Variants in ALDH3B1 observed in about 807,000 individuals in gnomAD.
ALDH3B1 encodes aldehyde dehydrogenase 3 family member B1, also known as aldehyde dehydrogenase family 3 member B1.
A neutral mutation model predicts 46.2 loss-of-function variants in ALDH3B1; 37 were observed. The observed-to-expected ratio is 0.80, with a 90% confidence interval of 0.62 to 1.05. The LOEUF is 1.05. Among genes scored for constraint, ALDH3B1 ranks in the 50% least tolerant of loss-of-function variants. ALDH3B1 has a pLI of 0.00. For synonymous variants in ALDH3B1, 283 were observed against 281.0 expected, an observed-to-expected ratio of 1.01 and a Z score of -0.07; for missense variants, 603 against 665.5, an observed-to-expected ratio of 0.91 and a Z score of 1.03.
intron 1 of ALDH3B1, chr11:68,014,848 C>T (rs537690120): frequency 4.5e-4 from 72 of 159,178 alleles, no homozygotes; most frequent in African/African-American, 1.7e-3. Flanking sequence ...CTCCTGCTTA[C>T]ACCATTCAGA....
chr11:68,026,259 A>G (rs1010917826), intron 9 of ALDH3B1, among the ~76,000 whole-genome samples, 151 bp downstream of exon 9: 2 of 151,898 alleles, frequency 1.3e-5, no homozygotes, highest in African/African-American at 4.8e-5. Context: ...CCTGCTCCCC[A>G]CCCCAGAGGG....
intron 2 of ALDH3B1, chr11:68,016,741 C>T (rs1857358962): frequency 6.6e-6 from 1 of 152,384 alleles, no homozygotes; most frequent in African/African-American, 2.4e-5. Context: ...GTGTTCAGAC[C>T]TTCCCCCAGC....
At chr11:68,020,199 C>A (rs1235914694) in intron 6 of ALDH3B1, among the ~76,000 whole-genome samples, 1 of 152,152 alleles carries the variant, frequency 6.6e-6, no homozygotes, top group Non-Finnish European at 1.5e-5. Context: ...TGCACACAAG[C>A]CCTTGGAGAA....
At chr11:68,008,863 CCCTGTCCCCTG>C (rs1311375796), upstream of ALDH3B1, among the ~76,000 whole-genome samples, 4 of 152,320 alleles carry the variant, frequency 2.6e-5, no homozygotes, top group East Asian at 7.7e-4. Flanking sequence ...ACACCTGTCA[CCCTGTCCCCTG>C]CCTGTCCACA....
intron 1 of ALDH3B1, among the ~76,000 whole-genome samples, chr11:68,014,009 G>A (rs181794267): frequency 9.3e-4 from 141 of 152,320 alleles, no homozygotes; most frequent in Non-Finnish European, 1.8e-3. Context: ...AGCAGGTCCC[G>A]CCCTCAAGGT....
chr11:68,013,424 G>C (rs1031048202), intron 1 of ALDH3B1, among the ~76,000 whole-genome samples: 1 of 152,226 alleles, frequency 6.6e-6, no homozygotes, highest in African/African-American at 2.4e-5. Flanking sequence ...TTCTTACAAA[G>C]GGTGAGAGAG....
chr11:68,009,946 T>C (rs1857195850), upstream of ALDH3B1, among the ~76,000 whole-genome samples: 1 of 152,038 alleles, frequency 6.6e-6, no homozygotes, highest in South Asian at 2.1e-4. Context: ...GCCATAACAT[T>C]CCACATAATA....
At chr11:68,022,295 G>A (rs183835617) in intron 7 of ALDH3B1, among the ~76,000 whole-genome samples, 43 of 152,320 alleles carry the variant, frequency 2.8e-4, no homozygotes, top group East Asian at 9.7e-4. Flanking sequence ...ATTCTGGGAC[G>A]CTGTTGCCTC....
rs368403076 is a variant in ALDH3B1 at position 68,019,810 on chromosome 11, G to T, written c.562+14G>T. On this transcript the variant is annotated intron_variant, in intron 6 of 9. Transcript: ENST00000342456. ...TCTTCTTCACAGGTGAGGCCGGGACGAGGGTCGGGACAGGCTGGGGTCGGG... is the reference window on the plus strand; with the variant it reads ...TCTTCTTCACAGGTGAGGCCGGGACTAGGGTCGGGACAGGCTGGGGTCGGG... 3 of 1,613,492 alleles carry T rather than the reference G, an allele frequency of 1.9e-6. No homozygotes were observed. The highest frequency in any genetic ancestry group is 2.5e-6 in the Non-Finnish European group (3 of 1,179,564).
intron 7 of ALDH3B1, 77 bp from the exon 8 acceptor site, chr11:68,022,518 C>T: frequency 1.3e-6 from 2 of 1,497,572 alleles, no homozygotes; most frequent in Non-Finnish European, 1.8e-6. Context: ...GCCTGTGGCC[C>T]TGTCCCCACC....
chr11:68,010,107 C>T (rs1371202364), upstream of ALDH3B1, among the ~76,000 whole-genome samples: 2 of 152,222 alleles, frequency 1.3e-5, no homozygotes, highest in South Asian at 2.1e-4. Context: ...CAGGCTGCCC[C>T]TCAGCTCGGA....
At chr11:68,023,685 T>C (rs1384772971) in intron 8 of ALDH3B1, among the ~76,000 whole-genome samples, 2 of 151,890 alleles carry the variant, frequency 1.3e-5, no homozygotes, top group African/African-American at 2.4e-5. Flanking sequence ...GTACAGAGAG[T>C]TCCCATGTAC....
chr11:68,018,298 C>G, intron 2 of ALDH3B1: 1 of 560,388 alleles, frequency 1.8e-6, no homozygotes, highest in Non-Finnish European at 3.2e-6. Context: ...TTCTCACTTT[C>G]ACATGGAACG....
At chr11:68,012,637 G>A (rs1470139165) in intron 1 of ALDH3B1, among the ~76,000 whole-genome samples, 1 of 152,184 alleles carries the variant, frequency 6.6e-6, no homozygotes, top group Admixed American at 6.5e-5. Context: ...GAGGGAGGCC[G>A]AGGAAATGGA....
rs1018596917 is a variant in ALDH3B1 at position 68,010,613 on chromosome 11, C to A, written c.-2+221C>A. On this transcript the variant is annotated intron_variant, in intron 1 of 9. Coordinates refer to ENST00000342456, the MANE Select transcript of ALDH3B1 (RefSeq NM_000694.4). Reference sequence around the variant, plus strand: ...AGTGGCAGCGAGGTCCCGGGCACCCCCCTGGCCAGCAGGCACCCTTCCGTT... The same window carrying A: ...AGTGGCAGCGAGGTCCCGGGCACCCACCTGGCCAGCAGGCACCCTTCCGTT... Among the ~76,000 whole-genome samples the A allele has an allele frequency of 3.0e-4, 45 of 152,140 alleles. 1 individual carries two copies.
chr11:68,024,893 C>T (rs1857586853), intron 8 of ALDH3B1: 1 of 152,162 alleles, frequency 6.6e-6, no homozygotes, highest in South Asian at 2.1e-4. Flanking sequence ...GGCTCGGGCT[C>T]AGAAGCCCAT....
At chr11:68,020,238 T>A (rs1400908429) in intron 6 of ALDH3B1, among the ~76,000 whole-genome samples, 1 of 150,474 alleles carries the variant, frequency 6.6e-6, no homozygotes, top group Non-Finnish European at 1.5e-5. Context: ...TTTTTTTTTC[T>A]TTTTTTTTGA....
At chr11:68,011,886 C>T (rs1273325440) in intron 1 of ALDH3B1, among the ~76,000 whole-genome samples, 2 of 152,204 alleles carry the variant, frequency 1.3e-5, no homozygotes, top group Non-Finnish European at 2.9e-5. Flanking sequence ...TGAATTCTCC[C>T]GACAGTGGTA....
chr11:68,009,599 C>T (rs772026386), upstream of ALDH3B1, among the ~76,000 whole-genome samples: 34 of 152,188 alleles, frequency 2.2e-4, no homozygotes, highest in Non-Finnish European at 3.8e-4. Context: ...GGAACGTGAC[C>T]GGGGGCTGCA....
Sources: gnomAD v4.1 joint callset for allele counts (sites outside exome capture counted in the v4.1 genomes callset) on GRCh38, gnomAD v4.1.1 for gene constraint, MANE v1.5 for transcripts, NCBI Gene and HGNC (gene_info 2026-07-23, HGNC 2026-07-21) for gene names.